The following PARK7 variants were observed in gnomAD, a reference collection of about 807,000 sequenced individuals.
PARK7 encodes the protein Parkinsonism associated deglycase, also known as Parkinson disease protein 7.
Under a neutral mutation model 20.5 loss-of-function variants are expected in PARK7, and 14 were observed. The ratio of observed to expected loss-of-function variants is 0.68; its 90% CI spans 0.45 to 1.07. The LOEUF (loss-of-function observed/expected upper bound fraction) is 1.07, where lower values mean the gene tolerates loss of function less well. Among genes scored for constraint, PARK7 ranks in the 50% least tolerant of loss-of-function variants. The pLI, the probability that PARK7 is intolerant of heterozygous loss-of-function variation, is 0.00. For missense variants in PARK7, 234 were observed against 238.1 expected, an observed-to-expected ratio of 0.98 and a Z score of 0.11; for synonymous variants, 98 against 84.3, an observed-to-expected ratio of 1.16 and a Z score of -0.89.
chr1:7,975,122 A>G (rs1458303028), intron 5 of PARK7, among the ~76,000 whole-genome samples: 6 of 152,028 alleles, frequency 3.9e-5, no homozygotes, highest in Non-Finnish European at 5.9e-5. Context: ...CCAAAGTGCT[A>G]GGATTACAGG....
intron 3 of PARK7, among the ~76,000 whole-genome samples, chr1:7,966,560 T>C (rs1043130555): frequency 1.3e-5 from 2 of 151,664 alleles, no homozygotes; most frequent in Non-Finnish European, 1.5e-5. Context: ...AAGCCAGGTG[T>C]GGTGGTGCAT....
In PARK7 at chr1:7,977,753, G is replaced by T; in HGVS notation, c.409+15G>T. ...GATGAATGGAGGTAAGTATATGCTT[G>T]TTTTTGTTTGTTTGTTTGTTTTTTG... On this transcript the variant is annotated intron_variant, in intron 6 of 6. Transcript: ENST00000338639. 1 of 1,607,952 alleles carries T rather than the reference G, an allele frequency of 6.2e-7. No individual in the cohort carries two copies. Among genetic ancestry groups the T allele is most frequent in the South Asian group, 1.1e-5 (1 of 90,966 alleles).
chr1:7,962,983 A>G (rs1445303879), intron 2 of PARK7, 108 bp downstream of exon 2: 6 of 924,152 alleles, frequency 6.5e-6, no homozygotes, highest in Middle Eastern at 2.4e-4. Context: ...TCAAATATAC[A>G]CAAAATTTCA....
chr1:7,973,091 T>C (rs1156897944), intron 5 of PARK7, among the ~76,000 whole-genome samples: 3 of 152,178 alleles, frequency 2.0e-5, no homozygotes, highest in East Asian at 1.9e-4. Context: ...TTCATAGATA[T>C]AACCCACATA....
intron 5 of PARK7, among the ~76,000 whole-genome samples, chr1:7,974,261 T>C (rs1231728222): frequency 6.6e-6 from 1 of 151,186 alleles, no homozygotes. Context: ...AATTTGAGGT[T>C]ACATTGAGAT....
At chr1:7,966,990 G>T (rs1640344010) in intron 3 of PARK7, among the ~76,000 whole-genome samples, 1 of 151,986 alleles carries the variant, frequency 6.6e-6, no homozygotes, top group Non-Finnish European at 1.5e-5. Context: ...ATTCTACGGG[G>T]GTATAGAACA....
At chr1:7,974,136 C>CCCCA (rs1553123777) in intron 5 of PARK7, among the ~76,000 whole-genome samples, 1 of 142,972 alleles carries the variant, frequency 7.0e-6, no homozygotes, top group Admixed American at 6.9e-5. Flanking sequence ...ATAGTGAGAC[C>CCCCA]CCCCCACCGA....
At chr1:7,964,664 C>T (rs1169039109) in intron 2 of PARK7, among the ~76,000 whole-genome samples, 6 of 152,204 alleles carry the variant, frequency 3.9e-5, no homozygotes, top group Non-Finnish European at 7.4e-5. Context: ...CCAAGTTGCT[C>T]TCCAGTGTCC....
intron 5 of PARK7, among the ~76,000 whole-genome samples, chr1:7,975,932 T>C (rs1176130963): frequency 6.6e-6 from 1 of 152,256 alleles, no homozygotes; most frequent in East Asian, 1.9e-4. Flanking sequence ...ATAGCTGTCT[T>C]GTGTGTAAAA....
chr1:7,984,002 TAG>T lies in PARK7; in HGVS notation c.410-889_410-888del, dbSNP rs1465147808. On this transcript the variant is annotated intron_variant, in intron 6 of 6. Coordinates refer to ENST00000338639, the MANE Select transcript of PARK7 (RefSeq NM_007262.5). The surrounding 1 kb of genome is among the most constrained non-coding windows in gnomAD (Gnocchi z 4.3). ...GAGGGCAGTAAATAGAATGCGGTGA[TAG>T]AGTCAATAGAGGTACCTAATTTGGG... Among the ~76,000 whole-genome samples the T allele has an allele frequency of 6.6e-6, 1 of 152,118 alleles. No individual in the cohort carries two copies. The highest frequency in any genetic ancestry group is 1.5e-5 in the Non-Finnish European group (1 of 67,998).
At chr1:7,970,028 C>CA (rs1640430427) in intron 4 of PARK7, among the ~76,000 whole-genome samples, 2 of 151,964 alleles carry the variant, frequency 1.3e-5, no homozygotes, top group Admixed American at 6.5e-5. Flanking sequence ...GCCATCTCTA[C>CA]AAAAAATTTT....
At chr1:7,963,531 C>A (rs1306123583) in intron 2 of PARK7, among the ~76,000 whole-genome samples, 1 of 151,860 alleles carries the variant, frequency 6.6e-6, no homozygotes, top group Non-Finnish European at 1.5e-5. Flanking sequence ...GTGTCCGCCA[C>A]CACGCCCGGC....
chr1:7,973,470 C>T (rs370191237), intron 5 of PARK7, among the ~76,000 whole-genome samples: 1 of 152,202 alleles, frequency 6.6e-6, no homozygotes, highest in South Asian at 2.1e-4. Flanking sequence ...TCAGTTTGTC[C>T]TGTGCCACAA....
At position 7,965,342 on chromosome 1, in the gene PARK7, G is replaced by T; in HGVS notation, c.109G>T (p.Gly37Cys). 6.2e-7 allele frequency: 1 copy of T among 1,614,106 alleles called. No individual in the cohort carries two copies. Among genetic ancestry groups the T allele is most frequent in the Non-Finnish European group, 8.5e-7 (1 of 1,180,016 alleles). ...CTCGTAGATTAAGGTCACCGTTGCA[G>T]GCCTGGCTGGAAAAGACCCAGTACA... ...RRAGIKVTVA[G>C]LAGKDPVQCS... is the part of the protein sequence containing the mutation. Residue 37 changes from glycine (G) to cysteine (C), a missense_variant, in exon 3 of 7, where the codon GGC (glycine) becomes TGC (cysteine). Coordinates refer to ENST00000338639, the MANE Select transcript of PARK7 (RefSeq NM_007262.5).
chr1:7,983,245 C>A (rs528614557), intron 6 of PARK7, among the ~76,000 whole-genome samples: 1 of 152,216 alleles, frequency 6.6e-6, no homozygotes, highest in African/African-American at 2.4e-5. Flanking sequence ...CAGGTCCGCA[C>A]TGAGCGGTGG....
intron 6 of PARK7, among the ~76,000 whole-genome samples, chr1:7,983,252 G>C (rs74053412): frequency 0.06 from 9,128 of 152,282 alleles, 903 homozygotes; most frequent in African/African-American, 0.21. Context: ...GCACTGAGCG[G>C]TGGTGACCAG....
At chr1:7,969,748 T>G (rs965938835) in intron 4 of PARK7, among the ~76,000 whole-genome samples, 1 of 152,136 alleles carries the variant, frequency 6.6e-6, no homozygotes, top group Non-Finnish European at 1.5e-5. Context: ...CCCTGCTAAT[T>G]TTTATATTTT....
chr1:7,964,055 C>T (rs771925170), intron 2 of PARK7, among the ~76,000 whole-genome samples: 1 of 152,088 alleles, frequency 6.6e-6, no homozygotes, highest in Non-Finnish European at 1.5e-5. Context: ...CCTCGTGATC[C>T]ACCCACCTCG....
intron 4 of PARK7, 105 bp downstream of exon 4, chr1:7,969,509 A>G: frequency 2.3e-6 from 2 of 857,350 alleles, no homozygotes; most frequent in Non-Finnish European, 1.9e-6. Context: ...TTATTCAAAT[A>G]TTTCGGGAGG....
Sources: gnomAD v4.1 joint callset for allele counts (sites outside exome capture counted in the v4.1 genomes callset) on GRCh38, gnomAD v4.1.1 for gene constraint, Gnocchi (gnomAD v3.1) non-coding constraint, MANE v1.5 for transcripts, NCBI Gene and HGNC (gene_info 2026-07-23, HGNC 2026-07-21) for gene names.